The following FUT8 variants were observed in gnomAD, a reference collection of about 807,000 sequenced individuals.
FUT8 encodes fucosyltransferase 8.
A neutral mutation model predicts 71.3 loss-of-function variants in FUT8; 29 were observed. The ratio of observed to expected loss-of-function variants is 0.41; its 90% confidence interval spans 0.30 to 0.55. FUT8 has a LOEUF of 0.55. FUT8 is among the 20% of genes least tolerant of loss of function. The pLI is 0.34. For synonymous variants in FUT8, 254 were observed against 239.3 expected (o/e 1.06, Z -0.57); for missense variants, 544 against 702.1 (o/e 0.77, Z 2.55).
chr14:65,650,707 CAAAAAAAAAA>C (rs57971519), intron 6 of FUT8, among the ~76,000 whole-genome samples: 3 of 118,974 alleles, frequency 2.5e-5, no homozygotes, highest in East Asian at 2.3e-4. Flanking sequence ...CTGCTAATTA[CAAAAAAAAAA>C]AAAAAAAAAA....
At chr14:65,409,878 A>G (rs1272380865), upstream of FUT8, among the ~76,000 whole-genome samples, 1 of 152,214 alleles carries the variant, frequency 6.6e-6, no homozygotes, top group East Asian at 1.9e-4. This position sits in a 1 kb window ranked among gnomAD's most constrained non-coding sequence, Gnocchi z 5.4. Flanking sequence ...CTTTTGGGAT[A>G]AGCAAAGATG....
At chr14:65,657,267 C>T (rs549865777) in intron 6 of FUT8, among the ~76,000 whole-genome samples, 2 of 152,204 alleles carry the variant, frequency 1.3e-5, no homozygotes, top group South Asian at 2.1e-4. Flanking sequence ...ACAGTTTGGG[C>T]GTTCCTCATA....
the FUT8 span, among the ~76,000 whole-genome samples, chr14:65,404,330 C>T: frequency 6.6e-6 from 1 of 151,372 alleles, no homozygotes; most frequent in Middle Eastern, 3.2e-3. Flanking sequence ...CACCATAGCG[C>T]CCAGCTAATT....
At chr14:65,542,869 G>A (rs1270355068) in intron 2 of FUT8, among the ~76,000 whole-genome samples, 3 of 151,984 alleles carry the variant, frequency 2.0e-5, no homozygotes, top group Admixed American at 6.6e-5. Context: ...TGCAACCTCC[G>A]CTTCCTGGGT....
chr14:65,490,125 G>A (rs2066462155), intron 2 of FUT8, among the ~76,000 whole-genome samples: 1 of 152,052 alleles, frequency 6.6e-6, no homozygotes, highest in South Asian at 2.1e-4. Context: ...TGTAATTACA[G>A]CTGCAGATTT....
rs140838714 is a variant in FUT8 at position 65,468,943 on chromosome 14, G to A, written c.-228+13225G>A. On this transcript the variant is annotated intron_variant, in intron 2 of 10. Transcript: ENST00000673929. ...TTCTCAAGTAGCCAGGACTACAGGT[G>A]TGTGCCACCATGCCTGGCGATTAAA... Among the ~76,000 whole-genome samples, 340 of 151,848 alleles carry A rather than the reference G, an allele frequency of 2.2e-3. 2 individuals are homozygous for A. The South Asian group carries it at 0.029, about 13-fold the overall frequency.
At chr14:65,415,763 T>A (rs1430243129) in intron 1 of FUT8, among the ~76,000 whole-genome samples, 1 of 151,620 alleles carries the variant, frequency 6.6e-6, no homozygotes, top group Admixed American at 6.6e-5. Flanking sequence ...TATCCCCAGG[T>A]CACTTAACCC....
rs537900609 is a variant in FUT8, at chr14:65,506,867, C to T, written c.-228+51149C>T. Among the ~76,000 whole-genome samples the T allele has an allele frequency of 1.5e-4, 23 of 152,232 alleles. No individual in the cohort carries two copies. In the East Asian group the frequency reaches 3.9e-3, roughly 26 times the overall value. On this transcript the variant is annotated intron_variant, in intron 2 of 10. Transcript: ENST00000673929. ...CCCCTCACACAGGGGCACCAGCTGC[C>T]GGGGTCTGCCCATAGACCCTGACCC...
At chr14:65,434,077 A>C (rs111609544) in intron 1 of FUT8, among the ~76,000 whole-genome samples, 14 of 152,312 alleles carry the variant, frequency 9.2e-5, no homozygotes, top group African/African-American at 3.4e-4. Flanking sequence ...GTAAAGAGAG[A>C]ATTTACTATT....
chr14:65,697,691 C>T (rs1486236677), intron 7 of FUT8, among the ~76,000 whole-genome samples: 2 of 152,178 alleles, frequency 1.3e-5, no homozygotes, highest in Non-Finnish European at 2.9e-5. Context: ...TGCCTGTAAT[C>T]CCAGCACTTT....
intron 2 of FUT8, among the ~76,000 whole-genome samples, chr14:65,456,065 T>C (rs185950659): frequency 6.6e-6 from 1 of 152,354 alleles, no homozygotes; most frequent in Non-Finnish European, 1.5e-5. Flanking sequence ...ATCTTAAACA[T>C]TTCTGACATT....
intron 2 of FUT8, among the ~76,000 whole-genome samples, chr14:65,471,742 T>TG (rs199913750): frequency 6.7e-6 from 1 of 149,018 alleles, no homozygotes; most frequent in African/African-American, 2.5e-5. Flanking sequence ...GATTATCAGT[T>TG]TTTTTTTTTT....
At chr14:65,666,145 G>A (rs1219583973) in intron 6 of FUT8, among the ~76,000 whole-genome samples, 1 of 151,914 alleles carries the variant, frequency 6.6e-6, no homozygotes, top group African/African-American at 2.4e-5. Context: ...AAATGTAACT[G>A]CTTAATTTCA....
intron 7 of FUT8, among the ~76,000 whole-genome samples, chr14:65,683,690 G>C (rs1424634634): frequency 2.6e-5 from 4 of 152,012 alleles, no homozygotes; most frequent in African/African-American, 4.8e-5. Context: ...GAGAAAAAAG[G>C]ATACTTTATG....
chr14:65,702,959 A>G (rs1894383555), intron 7 of FUT8, among the ~76,000 whole-genome samples: 1 of 152,100 alleles, frequency 6.6e-6, no homozygotes, highest in African/African-American at 2.4e-5. Context: ...GTTGGCCAGG[A>G]TGGTCTTGAT....
At chr14:65,422,847 T>C (rs991146596) in intron 1 of FUT8, among the ~76,000 whole-genome samples, 1 of 151,762 alleles carries the variant, frequency 6.6e-6, no homozygotes, top group African/African-American at 2.4e-5. Flanking sequence ...AGGCAGGGTC[T>C]CGCTGTATTG....
At chr14:65,605,203 T>G (rs2140181410) in intron 3 of FUT8, among the ~76,000 whole-genome samples, 1 of 152,112 alleles carries the variant, frequency 6.6e-6, no homozygotes, top group Admixed American at 6.6e-5. Flanking sequence ...GGATACATTC[T>G]CAGTCTTATT....
rs371715331 is a variant in FUT8 at position 65,425,095 on chromosome 14, GTGT to G, written c.-326+11886_-326+11888del. ...GAGTGGACCCTCAAAATTCAAACCT[GTGT>G]TGTTCAAGTTTTAAGCCCTGAGAGC... On this transcript the variant is annotated intron_variant, in intron 1 of 10. Transcript: ENST00000673929. Among the ~76,000 whole-genome samples the G allele has an allele frequency of 2.7e-3, 403 of 152,070 alleles. 3 individuals carry two copies. The highest frequency in any genetic ancestry group is 8.7e-3 in the African/African-American group (362 of 41,470).
intron 1 of FUT8, among the ~76,000 whole-genome samples, chr14:65,426,328 GTT>G (rs1334950112): frequency 1.7e-4 from 23 of 133,876 alleles, no homozygotes; most frequent in Admixed American, 2.3e-4. Flanking sequence ...CCTTTTTAAA[GTT>G]TTTTTTTTTT....
Sources: gnomAD v4.1 joint callset for allele counts (sites outside exome capture counted in the v4.1 genomes callset) on GRCh38, gnomAD v4.1.1 for gene constraint, Gnocchi (gnomAD v3.1) non-coding constraint, MANE v1.5 for transcripts, NCBI Gene and HGNC (gene_info 2026-07-23, HGNC 2026-07-21) for gene names.